Variants in GRIP1 observed in about 807,000 individuals in gnomAD.
GRIP1 encodes glutamate receptor interacting protein 1.
GRIP1 carries 45 observed loss-of-function variants against 129.9 expected under a neutral mutation model. The ratio of observed to expected loss-of-function variants is 0.35; its 90% CI spans 0.27 to 0.44. The LOEUF is 0.44. GRIP1 is among the 20% of genes least tolerant of loss of function. GRIP1 has a pLI of 1.00. For synonymous variants in GRIP1, 530 were observed against 520.8 expected, an observed-to-expected ratio of 1.02 and a Z score of -0.24; for missense variants, 1,196 against 1,396.8, an observed-to-expected ratio of 0.86 and a Z score of 2.29.
intron 4 of GRIP1, among the ~76,000 whole-genome samples, chr12:66,531,250 AAAATATATATATATATATATATATATAT>A (rs1313614589): frequency 0.21 from 7,250 of 35,094 alleles, 732 homozygotes; most frequent in Admixed American, 0.37. Context: ...AAAAAAAAAA[AAAATATATATATATATATATATATATAT>A]ATATATATAT....
At chr12:66,665,948 T>C (rs1010360374) in intron 1 of GRIP1, among the ~76,000 whole-genome samples, 1 of 152,196 alleles carries the variant, frequency 6.6e-6, no homozygotes, top group African/African-American at 2.4e-5. Flanking sequence ...TCAGTCCTTT[T>C]AATTGTAGTT....
chr12:66,533,887 A>ACACTCTCTCT (rs139244381), intron 4 of GRIP1, among the ~76,000 whole-genome samples: 3 of 148,054 alleles, frequency 2.0e-5, no homozygotes, highest in African/African-American at 5.0e-5. Flanking sequence ...ACATACACAC[A>ACACTCTCTCT]CTCTCTCTCT....
At chr12:66,411,263 G>C (rs890947046) in intron 15 of GRIP1, among the ~76,000 whole-genome samples, 4 of 152,158 alleles carry the variant, frequency 2.6e-5, no homozygotes, top group Admixed American at 2.6e-4. Context: ...CTCTGGGACA[G>C]AGCTCCCAGA....
chr12:66,919,975 G>C (rs2041186627), intron 1 of GRIP1, among the ~76,000 whole-genome samples: 1 of 152,014 alleles, frequency 6.6e-6, no homozygotes, highest in Non-Finnish European at 1.5e-5. Context: ...AAGAAGGGCA[G>C]ATTAACTAGA....
intron 1 of GRIP1, among the ~76,000 whole-genome samples, chr12:66,604,128 C>G (rs750909199): frequency 2.6e-4 from 39 of 152,188 alleles, no homozygotes; most frequent in Non-Finnish European, 3.1e-4. Flanking sequence ...GGCTCCAGCA[C>G]AGAACCCAGC....
chr12:66,913,762 T>C (rs964926562), intron 1 of GRIP1, among the ~76,000 whole-genome samples: 4 of 152,104 alleles, frequency 2.6e-5, no homozygotes, highest in African/African-American at 9.7e-5. Context: ...TATCAGGAGG[T>C]CAATCAAGTC....
intron 2 of GRIP1, among the ~76,000 whole-genome samples, chr12:66,555,296 C>T (rs1218285567): frequency 6.6e-6 from 1 of 152,128 alleles, no homozygotes; most frequent in Non-Finnish European, 1.5e-5. Context: ...TATCCAAAAC[C>T]ACCAAGATGA....
chr12:66,960,671 G>A (rs893689341), intron 1 of GRIP1, among the ~76,000 whole-genome samples: 3 of 152,108 alleles, frequency 2.0e-5, no homozygotes, highest in Non-Finnish European at 4.4e-5. Flanking sequence ...TTGCCCCTCA[G>A]GGGATATCTG....
In GRIP1 at chr12:66,564,628, T is replaced by C. The variant is rs1007210867; in HGVS notation, c.137-22678A>G. Among the ~76,000 whole-genome samples, 5 of 152,296 alleles carry C rather than the reference T, an allele frequency of 3.3e-5. No individual in the cohort carries two copies. The East Asian group carries it at 9.6e-4, about 29-fold the overall frequency. ...TTATAGCAGCATGATTTATAATCCT[T>C]TGGGTATATACCCAGTAATGGGATG... On this transcript the variant is annotated intron_variant, in intron 2 of 24. Transcript: ENST00000359742.
intron 1 of GRIP1, among the ~76,000 whole-genome samples, chr12:67,056,239 G>A (rs757599440): frequency 2.6e-5 from 4 of 152,202 alleles, no homozygotes; most frequent in Non-Finnish European, 5.9e-5. Context: ...ACAGGACACA[G>A]TGAACATATC....
intron 1 of GRIP1, among the ~76,000 whole-genome samples, chr12:66,969,402 C>G (rs2042040736): frequency 1.3e-5 from 2 of 152,032 alleles, no homozygotes; most frequent in South Asian, 4.1e-4. Flanking sequence ...CTTGCATCTT[C>G]TGTTGTTTGT....
At chr12:66,720,480 A>G (rs1414094841) in intron 1 of GRIP1, among the ~76,000 whole-genome samples, 1 of 152,164 alleles carries the variant, frequency 6.6e-6, no homozygotes, top group Non-Finnish European at 1.5e-5. Context: ...CCTTTCAGGA[A>G]AGGTTTCTCT....
rs183051186 is a variant in GRIP1 at position 66,474,895 on chromosome 12, C to T, written c.725-9473G>A. Among the ~76,000 whole-genome samples, 5 of 152,274 alleles carry T rather than the reference C, an allele frequency of 3.3e-5. No individual in the cohort carries two copies. In the East Asian group the frequency reaches 9.7e-4, roughly 29 times the overall value. ...AAACATGCCAAATTGTAAAGACTATCGATGCTAGGAAGAAATTGCATCAAC... is the reference window on the plus strand; with the variant it reads ...AAACATGCCAAATTGTAAAGACTATTGATGCTAGGAAGAAATTGCATCAAC... On this transcript the variant is annotated intron_variant, in intron 7 of 24. Coordinates refer to ENST00000359742, the MANE Select transcript of GRIP1 (RefSeq NM_001366722.1).
chr12:67,015,266 A>T (rs1384789356), intron 1 of GRIP1, among the ~76,000 whole-genome samples: 2 of 152,210 alleles, frequency 1.3e-5, no homozygotes, highest in African/African-American at 4.8e-5. Flanking sequence ...TGACTTTACA[A>T]GGGACTTGAG....
At chr12:66,362,765 C>T (rs1018150870) in intron 23 of GRIP1, among the ~76,000 whole-genome samples, 7 of 151,638 alleles carry the variant, frequency 4.6e-5, no homozygotes, top group Admixed American at 6.6e-5. Flanking sequence ...AGGACAGAAG[C>T]GATAAGATGT....
At chr12:66,794,239 C>T (rs557080802) in intron 1 of GRIP1, among the ~76,000 whole-genome samples, 18 of 152,208 alleles carry the variant, frequency 1.2e-4, no homozygotes, top group East Asian at 1.2e-3. Context: ...TTCAAATACA[C>T]GAATAGTGAC....
intron 1 of GRIP1, among the ~76,000 whole-genome samples, chr12:67,003,303 T>C (rs1203830369): frequency 1.2e-4 from 18 of 152,256 alleles, no homozygotes; most frequent in Admixed American, 7.9e-4. Context: ...TAGACTATTA[T>C]GTTTTTTCAT....
At chr12:66,737,015 C>T (rs2136533072) in intron 1 of GRIP1, among the ~76,000 whole-genome samples, 1 of 151,364 alleles carries the variant, frequency 6.6e-6, no homozygotes, top group Non-Finnish European at 1.5e-5. Context: ...TTTTCAGGTA[C>T]AGCTGCGAAG....
At chr12:66,357,076 C>T (rs1382876838) in intron 23 of GRIP1, among the ~76,000 whole-genome samples, 1 of 152,118 alleles carries the variant, frequency 6.6e-6, no homozygotes, top group African/African-American at 2.4e-5. Context: ...AGGGTTTCGC[C>T]ATGTTGACCA....
Sources: gnomAD v4.1 joint callset for allele counts (sites outside exome capture counted in the v4.1 genomes callset) on GRCh38, gnomAD v4.1.1 for gene constraint, MANE v1.5 for transcripts, NCBI Gene and HGNC (gene_info 2026-07-23, HGNC 2026-07-21) for gene names.